Variants in MMP26 observed in about 807,000 individuals in gnomAD.
The protein encoded by MMP26 is matrix metallopeptidase 26.
Under a neutral mutation model 31.0 loss-of-function variants are expected in MMP26, and 33 were observed. The observed-to-expected ratio is 1.06, with a 90% CI of 0.81 to 1.42. The LOEUF (loss-of-function observed/expected upper bound fraction) is 1.42, where lower values mean the gene tolerates loss of function less well. Among genes scored for constraint, MMP26 ranks in the 40% most tolerant of loss-of-function variants. The probability of loss-of-function intolerance (pLI) is 0.00; values close to 1 mark genes in which losing one functional copy is unlikely to be tolerated. For synonymous variants in MMP26, 122 were observed against 114.9 expected, an observed-to-expected ratio of 1.06 and a Z score of -0.40; for missense variants, 347 against 316.1, an observed-to-expected ratio of 1.10 and a Z score of -0.74.
At chr11:4,728,798 T>C (rs1456516775) in intron 1 of MMP26, among the ~76,000 whole-genome samples, 2 of 152,122 alleles carry the variant, frequency 1.3e-5, no homozygotes, top group Admixed American at 6.5e-5. Context: ...CTTGAATATA[T>C]ACACCTGCAC....
intron 2 of MMP26, among the ~76,000 whole-genome samples, chr11:4,925,432 G>A (rs185830485): frequency 1.9e-3 from 282 of 152,246 alleles, no homozygotes; most frequent in African/African-American, 6.3e-3. Flanking sequence ...CAAGATGGAT[G>A]GCAACAGAAG....
chr11:4,930,447 G>C (rs1851331385), intron 2 of MMP26, among the ~76,000 whole-genome samples: 1 of 152,008 alleles, frequency 6.6e-6, no homozygotes, highest in Admixed American at 6.6e-5. Context: ...TGCCAATGGG[G>C]GAAACTCCTT....
At chr11:4,732,666 C>G (rs761760549) in intron 1 of MMP26, among the ~76,000 whole-genome samples, 13 of 151,942 alleles carry the variant, frequency 8.6e-5, no homozygotes, top group Non-Finnish European at 1.6e-4. Context: ...TACTTTTTGT[C>G]TCTATAGATT....
chr11:4,876,820 G>A (rs765140598), intron 2 of MMP26: 2 of 152,902 alleles, frequency 1.3e-5, no homozygotes, highest in African/African-American at 2.4e-5. Context: ...AGTGTTCACT[G>A]GTTCAACTGG....
intron 2 of MMP26, among the ~76,000 whole-genome samples, chr11:4,791,676 C>G (rs936179627): frequency 1.3e-5 from 2 of 152,064 alleles, no homozygotes; most frequent in Non-Finnish European, 2.9e-5. Context: ...GTAGAGTTCT[C>G]CATTTCTCTA....
chr11:4,819,397 AGG>A (rs1040783168), intron 2 of MMP26, among the ~76,000 whole-genome samples: 1 of 151,784 alleles, frequency 6.6e-6, no homozygotes, highest in Non-Finnish European at 1.5e-5. Context: ...TACCCGGGAG[AGG>A]GGGGAAAGAA....
intron 1 of MMP26, among the ~76,000 whole-genome samples, chr11:4,737,803 C>A (rs906867917): frequency 2.6e-5 from 4 of 152,168 alleles, no homozygotes; most frequent in Admixed American, 2.6e-4. Context: ...TTGGGGAATT[C>A]AAAGTGGTAT....
In MMP26 at chr11:4,863,033, G is replaced by A. The variant is rs80067888; in HGVS notation, c.-145+95692G>A. Among the ~76,000 whole-genome samples the A allele has an allele frequency of 6.5e-3, 989 of 152,210 alleles. 4 individuals are homozygous for A. The highest frequency in any genetic ancestry group is 0.011 in the Non-Finnish European group (768 of 67,990). ...CCAGCAATTCTTGTGGCTTTCAGGT[G>A]GAAATGACCAGCTGGTTCATCCCTA... On this transcript the variant is annotated intron_variant, in intron 2 of 7. Coordinates refer to ENST00000380390, the MANE Select transcript of MMP26 (RefSeq NM_021801.5).
chr11:4,720,865 C>T (rs1196597583), intron 1 of MMP26, among the ~76,000 whole-genome samples: 1 of 152,170 alleles, frequency 6.6e-6, no homozygotes, highest in Non-Finnish European at 1.5e-5. Context: ...GACTTAGGTC[C>T]CTGAATACAG....
At position 4,866,704 on chromosome 11, in the gene MMP26, C is replaced by T. The variant is rs1345458949; in HGVS notation, c.-145+99363C>T. Among the ~76,000 whole-genome samples, 15 of 152,086 alleles carry T rather than the reference C, an allele frequency of 9.9e-5. No individual in the cohort carries two copies. In the South Asian group the frequency reaches 2.9e-3, roughly 29 times the overall value. On this transcript the variant is annotated intron_variant, in intron 2 of 7. Transcript: ENST00000380390. ...AACTATATTACAAGGCTACAGTAAC[C>T]AAAACAGCATGGTACAGGTACAAGA...
chr11:4,915,381 G>A (rs146466233), intron 2 of MMP26: 78 of 1,613,878 alleles, frequency 4.8e-5, no homozygotes, highest in South Asian at 3.6e-4. Flanking sequence ...CTAATTTCTC[G>A]TGCTCCAACC....
chr11:4,770,301 A>G (rs1190162924), intron 2 of MMP26, among the ~76,000 whole-genome samples: 1 of 152,240 alleles, frequency 6.6e-6, no homozygotes, highest in Non-Finnish European at 1.5e-5. Flanking sequence ...AGTACAATGA[A>G]TAATAGCCAC....
chr11:4,795,026 G>T (rs563722509), intron 2 of MMP26: 1 of 152,328 alleles, frequency 6.6e-6, no homozygotes, highest in East Asian at 1.9e-4. Context: ...AATCAGACTA[G>T]CATGGTTCAG....
chr11:4,989,955 C>A, intron 4 of MMP26, 87 bp downstream of exon 4: 1 of 1,063,808 alleles, frequency 9.4e-7, no homozygotes, highest in African/African-American at 1.6e-5. Flanking sequence ...GGTACCTCTA[C>A]TCTCTTCTGC....
intron 1 of MMP26, among the ~76,000 whole-genome samples, chr11:4,726,743 A>C (rs1848105761): frequency 6.6e-6 from 1 of 152,190 alleles, no homozygotes; most frequent in African/African-American, 2.4e-5. Context: ...GTGGTGCTTC[A>C]CGCTTGTAAT....
intron 2 of MMP26, chr11:4,859,938 C>T (rs1564795549): frequency 2.1e-6 from 1 of 471,118 alleles, no homozygotes. Context: ...CATCGAGCCC[C>T]AGTGTGAAGA....
chr11:4,968,571 T>C (rs1450652172), intron 2 of MMP26, among the ~76,000 whole-genome samples: 1 of 151,946 alleles, frequency 6.6e-6, no homozygotes, highest in African/African-American at 2.4e-5. Flanking sequence ...GTCTTTATCA[T>C]AGCATAAATA....
chr11:4,774,114 C>T (rs1228543006), intron 2 of MMP26, among the ~76,000 whole-genome samples: 10 of 152,176 alleles, frequency 6.6e-5, no homozygotes, highest in Non-Finnish European at 1.5e-4. Flanking sequence ...GTACATGTTT[C>T]TTTGTAACAG....
intron 1 of MMP26, among the ~76,000 whole-genome samples, chr11:4,748,101 A>G (rs1239163273): frequency 2.0e-5 from 3 of 152,094 alleles, no homozygotes; most frequent in Non-Finnish European, 1.5e-5. Flanking sequence ...ACACTCAGAA[A>G]TGAAAAAGGA....
Sources: gnomAD v4.1 joint callset for allele counts (sites outside exome capture counted in the v4.1 genomes callset) on GRCh38, gnomAD v4.1.1 for gene constraint, MANE v1.5 for transcripts, NCBI Gene and HGNC (gene_info 2026-07-23, HGNC 2026-07-21) for gene names.